Variants in SALL4 observed in about 807,000 individuals in gnomAD.
SALL4 encodes the protein spalt like transcription factor 4, also known as sal-like protein 4.
Under a neutral mutation model 60.8 loss-of-function variants are expected in SALL4, and 4 were observed. The observed-to-expected ratio is 0.07, with a 90% CI of 0.03 to 0.15. The LOEUF is 0.15. Ranked by LOEUF, SALL4 falls within the 10% of genes least tolerant of loss-of-function variation. The probability of loss-of-function intolerance (pLI) is 1.00; values close to 1 mark genes in which losing one functional copy is unlikely to be tolerated. For synonymous variants in SALL4, 580 were observed against 574.9 expected (o/e 1.01, Z -0.13); for missense variants, 1,178 against 1,394.7 (o/e 0.84, Z 2.48).
rs565664808 is a variant in SALL4 at position 51,792,215 on chromosome 20, G to A, written c.268C>T (p.His90Tyr). Reference sequence around the variant, plus strand: ...GGATTTTTAGTGCAATTTTTCTTATGTTCCAGGAACTCAGAGATGCTGAAG... The same window carrying A: ...GGATTTTTAGTGCAATTTTTCTTATATTCCAGGAACTCAGAGATGCTGAAG... ...EFFSISEFLE[H>Y]KKNCTKNPPV... The change falls in exon 2 of 4, where the codon CAT becomes TAT. Residue 90 changes from histidine to tyrosine, a missense_variant. Coordinates refer to ENST00000217086, the MANE Select transcript of SALL4 (RefSeq NM_020436.5). 1 of 1,614,096 alleles carries A rather than the reference G, an allele frequency of 6.2e-7. No individual in the cohort carries two copies. Among genetic ancestry groups the A allele is most frequent in the South Asian group, 1.1e-5 (1 of 91,074 alleles).
At chr20:51,786,754 A>G (rs1266169698) in intron 3 of SALL4, among the ~76,000 whole-genome samples, 1 of 152,240 alleles carries the variant, frequency 6.6e-6, no homozygotes, top group Non-Finnish European at 1.5e-5. Context: ...TTACTTTTCA[A>G]AAGTCCAGTG....
chr20:51,789,878 T>C (rs750510238), intron 2 of SALL4, 144 bp downstream of exon 2: 202 of 955,452 alleles, frequency 2.1e-4, no homozygotes, highest in Non-Finnish European at 3.1e-4. Flanking sequence ...ACTATTGCCC[T>C]CTACCCAGAA....
chr20:51,802,509 T>C lies in SALL4; in HGVS notation c.-101A>G. 5 of 1,547,114 alleles carry C rather than the reference T, an allele frequency of 3.2e-6. No homozygotes were observed. The highest frequency in any genetic ancestry group is 4.4e-6 in the Non-Finnish European group (5 of 1,136,228). On this transcript the variant is annotated 5_prime_UTR_variant, in exon 1 of 4. It removes an upstream start codon present in the reference 5' UTR. Coordinates refer to ENST00000217086, the MANE Select transcript of SALL4 (RefSeq NM_020436.5). ...TACCCCCCTTCGGCCGGAACGCGCATGTCCCAGTAATTATTATTATCAATA... is the reference window on the plus strand; with the variant it reads ...TACCCCCCTTCGGCCGGAACGCGCACGTCCCAGTAATTATTATTATCAATA...
Position 51,792,308 on chromosome 20 carries a change from C to T in SALL4, c.175G>A (p.Asp59Asn). The stretch of plus-strand genomic sequence containing the variant: ...CGAAGCCGCTTTACTGTGGCTTCAT[C>T]CTCACTCGCCACCTCGTCATTCCCT... Reference protein sequence around the residue: ...HPGNDEVASEDEATVKRLRRE... With the variant: ...HPGNDEVASENEATVKRLRRE... Residue 59 changes from aspartate to asparagine, a missense_variant, in exon 2 of 4, where the codon GAT (aspartate) becomes AAT (asparagine). Physicochemically the swap from Asp to Asn is conservative, Grantham distance 23 (BLOSUM62 1). This residue lies in a region of SALL4 where 108 missense variants were observed against 95.7 expected (regional missense o/e 1.13). Coordinates refer to ENST00000217086, the MANE Select transcript of SALL4 (RefSeq NM_020436.5). 2 of 1,608,228 alleles carry T rather than the reference C, an allele frequency of 1.2e-6. No individual in the cohort carries two copies. Among genetic ancestry groups the T allele is most frequent in the Non-Finnish European group, 1.7e-6 (2 of 1,179,996 alleles).
chr20:51,802,462 A>T lies in SALL4; in HGVS notation c.-54T>A. The T allele has an allele frequency of 1.2e-6, 2 of 1,610,970 alleles. No homozygotes were observed. The highest frequency in any genetic ancestry group is 1.7e-6 in the Non-Finnish European group (2 of 1,179,220). On this transcript the variant is annotated 5_prime_UTR_variant, in exon 1 of 4. Transcript: ENST00000217086. ...CGCAGTTATTTGCCCTCTCCGCCACAAATTCCTGGAGTTGGGAAATTTACC... is the reference window on the plus strand; with the variant it reads ...CGCAGTTATTTGCCCTCTCCGCCACTAATTCCTGGAGTTGGGAAATTTACC...
chr20:51,784,831 T>C, intron 3 of SALL4, 147 bp from the exon 4 acceptor site: 2 of 892,002 alleles, frequency 2.2e-6, no homozygotes, highest in Non-Finnish European at 3.6e-6. Flanking sequence ...TATGCCCAGA[T>C]AAACTGATTG....
chr20:51,793,008 C>G lies in SALL4; in HGVS notation c.131-656G>C, dbSNP rs573077787. The G allele has an allele frequency of 4.1e-6, 4 of 981,968 alleles. No homozygotes were observed. The South Asian group carries it at 1.9e-4, about 46-fold the overall frequency. The allele number at this position is 981,968 out of a possible 1,614,324, so 60.8% of individuals were successfully genotyped here. The stretch of plus-strand genomic sequence containing the variant: ...ATCTAAACCACACAAGACATTCACA[C>G]GAGCATACAATGATCTAGGTTTTCT... On this transcript the variant is annotated intron_variant, in intron 1 of 3. Coordinates refer to ENST00000217086, the MANE Select transcript of SALL4 (RefSeq NM_020436.5).
At position 51,782,574 on chromosome 20, in the gene SALL4, AG is replaced by A. The variant is rs1555848604; in HGVS notation, c.*1690del. 5 of 83,654 alleles carry A rather than the reference AG, an allele frequency of 6.0e-5. No homozygotes were observed. The highest frequency in any genetic ancestry group is 2.9e-4 in the African/African-American group (4 of 13,856). 5.2% of individuals were successfully genotyped at this position (83,654 alleles called of 1,614,324 possible). A position where few individuals can be genotyped will look rare whatever the true frequency, so the allele number is the denominator to read the frequency against. ...GCAAAAAAAAAAAAAAAAAAAAAAA[AG>A]GGGGGCGGAATCCTAAAGTCAGGTG... On this transcript the variant is annotated 3_prime_UTR_variant, in exon 4 of 4. Transcript: ENST00000217086.
intron 2 of SALL4, among the ~76,000 whole-genome samples, chr20:51,789,524 G>A (rs2078019276): frequency 3.3e-5 from 5 of 152,042 alleles, no homozygotes; most frequent in Admixed American, 3.3e-4. Context: ...CAATAGATAT[G>A]TGCATTTAAA....
At position 51,784,528 on chromosome 20, in the gene SALL4, C is replaced by T. The variant is rs752210793; in HGVS notation, c.2899G>A (p.Val967Ile). The change falls in exon 4 of 4, where the codon GTT becomes ATT. Residue 967 changes from valine (V) to isoleucine (I), a missense_variant. Val to Ile is a conservative substitution (Grantham distance 29, BLOSUM62 3). Coordinates refer to ENST00000217086, the MANE Select transcript of SALL4 (RefSeq NM_020436.5). The stretch of plus-strand genomic sequence containing the variant: ...ATGCTGGTGTACTGGTTCCACACAA[C>T]AGGGTCCACATTCACTGAAGGGGCC... ...ILAPSVNVDP[V>I]VWNQYTSMLN... The T allele has an allele frequency of 5.0e-6, 8 of 1,614,080 alleles. No individual in the cohort carries two copies. Among genetic ancestry groups the T allele is most frequent in the Non-Finnish European group, 6.8e-6 (8 of 1,180,048 alleles).
Position 51,791,790 on chromosome 20 carries a change from G to C in SALL4, c.693C>G (p.Leu231=), listed in dbSNP as rs370747731. 30 of 1,613,986 alleles carry C rather than the reference G, an allele frequency of 1.9e-5. No homozygotes were observed. Among genetic ancestry groups the C allele is most frequent in the Non-Finnish European group, 2.3e-5 (27 of 1,180,064 alleles). The part of the protein sequence containing the change: ...LQQQQLQQIQ[L]TEQIRIQVNM... ...TCACCTGGATGCGGATCTGCTCGGTGAGCTGGATCTGCTGTAGCTGCTGCT... is the reference window on the plus strand; with the variant it reads ...TCACCTGGATGCGGATCTGCTCGGTCAGCTGGATCTGCTGTAGCTGCTGCT... The change falls in exon 2 of 4, where the codon CTC becomes CTG. Residue 231 remains leucine (L), a synonymous_variant. Coordinates refer to ENST00000217086, the MANE Select transcript of SALL4 (RefSeq NM_020436.5). This position sits in a 1 kb window ranked among gnomAD's most constrained non-coding sequence, Gnocchi z 4.6.
In SALL4 at chr20:51,783,679, C is replaced by T. The variant is rs1386023223; in HGVS notation, c.*586G>A. On this transcript the variant is annotated 3_prime_UTR_variant, in exon 4 of 4. Transcript: ENST00000217086. ...AAAGGTTCTATGTATACGTCTGTTA[C>T]AAGTAACAAAGCTACTTTGCAAGAC... 1.3e-5 allele frequency: 2 copies of T among 156,138 alleles called. No homozygotes were observed. Among genetic ancestry groups the T allele is most frequent in the African/African-American group, 5.0e-5 (2 of 40,054 alleles). The allele number at this position is 156,138 out of a possible 1,614,324, so 9.7% of individuals were successfully genotyped here.
At chr20:51,795,140 C>T (rs2078071859) in intron 1 of SALL4, among the ~76,000 whole-genome samples, 1 of 152,180 alleles carries the variant, frequency 6.6e-6, no homozygotes. Context: ...GCGAATCTGC[C>T]TCACTTCAGT....
intron 1 of SALL4, among the ~76,000 whole-genome samples, chr20:51,798,892 T>G (rs2078094617): frequency 6.6e-6 from 1 of 151,988 alleles, no homozygotes; most frequent in Admixed American, 6.6e-5. Context: ...AACAGTTCCT[T>G]GGGCTCTGGG....
At chr20:51,802,233 G>T in intron 1 of SALL4, 46 bp downstream of exon 1, 2 of 1,550,100 alleles carry the variant, frequency 1.3e-6, no homozygotes, top group Non-Finnish European at 1.7e-6. Flanking sequence ...TCCCGCGTAC[G>T]TCCGGGAAGC....
At chr20:51,785,134 C>G (rs2077982860) in intron 3 of SALL4, among the ~76,000 whole-genome samples, 1 of 151,994 alleles carries the variant, frequency 6.6e-6, no homozygotes, top group African/African-American at 2.4e-5. Context: ...GAAACCCTGT[C>G]TACTAAAAAT....
Position 51,791,451 on chromosome 20 carries a change from G to A in SALL4, c.1032C>T (p.Phe344=), listed in dbSNP as rs1382064999. 6.2e-7 allele frequency: 1 copy of A among 1,614,084 alleles called. No individual in the cohort carries two copies. Among genetic ancestry groups the A allele is most frequent in the Non-Finnish European group, 8.5e-7 (1 of 1,180,024 alleles). ...GCGCCACAGTGGAGAAAGGGCTCTG[G>A]AAGAGCACCGAGCCCGGGGCCTGAG... ...LLPQAPGSVL[F]QSPFSTVALD... is the part of the protein sequence containing the mutation. The change falls in exon 2 of 4, where the codon TTC becomes TTT. Residue 344 remains phenylalanine (F), a synonymous_variant. Transcript: ENST00000217086. This position sits in a 1 kb window ranked among gnomAD's most constrained non-coding sequence, Gnocchi z 4.6.
chr20:51,785,300 C>CA (rs201124702), intron 3 of SALL4, among the ~76,000 whole-genome samples: 44 of 149,238 alleles, frequency 2.9e-4, no homozygotes, highest in African/African-American at 7.6e-4. Flanking sequence ...GACTCCATCT[C>CA]AAAAAAAAAT....
Position 51,788,323 on chromosome 20 carries a change from T to TTGTGTGTG in SALL4, c.2742+530_2742+537dup, listed in dbSNP as rs3030173. Among the ~76,000 whole-genome samples, 561 of 141,932 alleles carry TTGTGTGTG rather than the reference T, an allele frequency of 4.0e-3. 8 individuals are homozygous for TTGTGTGTG. The highest frequency in any genetic ancestry group is 0.014 in the African/African-American group (538 of 37,890). 93.1% of individuals were successfully genotyped at this position (141,932 alleles called of 152,430 possible). ...GCATGCAACACCATGCCCAACTAAT[T>TTGTGTGTG]TGTGTGTGTGTGTGTGTGTGTGTGT... On this transcript the variant is annotated intron_variant, in intron 3 of 3. Transcript: ENST00000217086. This position sits in a 1 kb window ranked among gnomAD's most constrained non-coding sequence, Gnocchi z 4.1.
Sources: allele counts gnomAD v4.1 joint callset (sites outside exome capture counted in the v4.1 genomes callset), GRCh38; gene constraint gnomAD v4.1.1; regional missense constraint gnomAD v4.1.1; non-coding constraint Gnocchi (gnomAD v3.1); transcripts MANE v1.5; gene names NCBI Gene and HGNC (gene_info 2026-07-23, HGNC 2026-07-21).